The following SLC16A5 variants were observed in gnomAD, a reference collection of about 807,000 sequenced individuals.
The protein encoded by SLC16A5 is monocarboxylate transporter 6.
SLC16A5 carries 29 observed loss-of-function variants against 33.2 expected under a neutral mutation model. The observed-to-expected ratio is 0.87, with a 90% CI of 0.65 to 1.19. The LOEUF is 1.19. Among genes scored for constraint, SLC16A5 ranks in the 50% most tolerant of loss-of-function variants. The probability of loss-of-function intolerance (pLI) is 0.00; values close to 1 mark genes in which losing one functional copy is unlikely to be tolerated. For synonymous variants in SLC16A5, 248 were observed against 284.1 expected, an observed-to-expected ratio of 0.87 and a Z score of 1.28; for missense variants, 606 against 678.2, an observed-to-expected ratio of 0.89 and a Z score of 1.18.
At chr17:75,104,253 A>T in intron 6 of SLC16A5, 73 bp downstream of exon 6, 2 of 1,566,612 alleles carry the variant, frequency 1.3e-6, no homozygotes, top group Non-Finnish European at 1.7e-6. Flanking sequence ...CACTGAGTGA[A>T]CACTGTCTCA....
intron 6 of SLC16A5, 121 bp downstream of exon 6, chr17:75,104,301 G>C (rs2145079214): frequency 1.3e-6 from 2 of 1,495,888 alleles, no homozygotes; most frequent in East Asian, 4.9e-5. Context: ...TCCTTCACCA[G>C]GGGCTTGGGT....
At chr17:75,090,808 G>A (rs1027077130) in intron 2 of SLC16A5, among the ~76,000 whole-genome samples, 8 of 152,094 alleles carry the variant, frequency 5.3e-5, no homozygotes, top group Admixed American at 1.3e-4. Context: ...TCCTGGGCTC[G>A]GATTGGCCTG....
Position 75,093,844 on chromosome 17 carries a change from C to G in SLC16A5, c.199+9C>G. On this transcript the variant is annotated intron_variant, in intron 3 of 6. Transcript: ENST00000329783. ...TGTGCTCCACATGGCAGGTGAGCGGCCTAGGGAGGGGCCGATGAGAAAGTC... is the reference window on the plus strand; with the variant it reads ...TGTGCTCCACATGGCAGGTGAGCGGGCTAGGGAGGGGCCGATGAGAAAGTC... 6.2e-7 allele frequency: 1 copy of G among 1,611,606 alleles called. No individual in the cohort carries two copies. Among genetic ancestry groups the G allele is most frequent in the East Asian group, 2.2e-5 (1 of 44,858 alleles).
chr17:75,093,698 T>C lies in SLC16A5; in HGVS notation c.62T>C (p.Met21Thr). 2 of 1,613,958 alleles carry C rather than the reference T, an allele frequency of 1.2e-6. No individual in the cohort carries two copies. The highest frequency in any genetic ancestry group is 1.7e-6 in the Non-Finnish European group (2 of 1,179,942). ...GCCTGGGTGGTGCTGCTGGCCACCA[T>C]GGTGACCCAGGGCCTCACCCTGGGC... ...SWAWVVLLATMVTQGLTLGFP... is the reference protein window; with the variant it reads ...SWAWVVLLATTVTQGLTLGFP... The change falls in exon 3 of 7, where the codon ATG becomes ACG. Residue 21 changes from methionine (M) to threonine (T), a missense_variant. Met to Thr is a moderately conservative substitution (Grantham distance 81). Transcript: ENST00000329783.
chr17:75,103,900 G>C (rs945701757), intron 5 of SLC16A5, 70 bp from the exon 6 acceptor site: 2 of 1,387,182 alleles, frequency 1.4e-6, no homozygotes, highest in African/African-American at 2.9e-5. Flanking sequence ...AATACCTGCT[G>C]TCAGGGAACA....
intron 4 of SLC16A5, 21 bp downstream of exon 4, chr17:75,098,202 A>G (rs1354814003): frequency 6.2e-7 from 1 of 1,611,308 alleles, no homozygotes; most frequent in South Asian, 1.1e-5. Flanking sequence ...CTTCATCTCC[A>G]GAATTTATAG....
intron 2 of SLC16A5, among the ~76,000 whole-genome samples, 189 bp downstream of exon 2, chr17:75,089,493 A>G (rs2073609660): frequency 6.6e-6 from 1 of 152,008 alleles, no homozygotes; most frequent in Non-Finnish European, 1.5e-5. Flanking sequence ...GGTGTCTCAC[A>G]CCTGTAATCC....
chr17:75,093,919 C>T, intron 3 of SLC16A5, 84 bp downstream of exon 3: 1 of 1,524,770 alleles, frequency 6.6e-7, no homozygotes, highest in Non-Finnish European at 8.8e-7. Flanking sequence ...GATTCCCTCT[C>T]TCTGAGGCCA....
chr17:75,096,585 TAGTGGC>T (rs2073721426), intron 3 of SLC16A5, among the ~76,000 whole-genome samples: 1 of 149,484 alleles, frequency 6.7e-6, no homozygotes, highest in Non-Finnish European at 1.5e-5. Context: ...GGCTGGAGTG[TAGTGGC>T]ACAGTCTCGG....
chr17:75,097,524 AG>A (rs1435680774), intron 3 of SLC16A5, among the ~76,000 whole-genome samples: 5 of 53,416 alleles, frequency 9.4e-5, no homozygotes, highest in African/African-American at 3.0e-4. Flanking sequence ...CCTCAGCTGT[AG>A]GGCTGGGAAG....
chr17:75,100,808 C>T lies in SLC16A5; in HGVS notation c.1145C>T (p.Pro382Leu), dbSNP rs758274595. The T allele has an allele frequency of 1.2e-5, 19 of 1,591,538 alleles. No individual in the cohort carries two copies. Among genetic ancestry groups the T allele is most frequent in the Non-Finnish European group, 1.6e-5 (19 of 1,166,410 alleles). Reference sequence around the variant, plus strand: ...GGCCTTGCTTTCCTCATCTCCCCACCACTGGCCGGTGAGGAGCTGGGAGGG... The same window carrying T: ...GGCCTTGCTTTCCTCATCTCCCCACTACTGGCCGGTGAGGAGCTGGGAGGG... ...LDGLAFLISPPLAGLLLDATN... is the reference protein window; with the variant it reads ...LDGLAFLISPLLAGLLLDATN... The change falls in exon 5 of 7, where the codon CCA becomes CTA. Residue 382 changes from proline to leucine, a missense_variant. Transcript: ENST00000329783.
chr17:75,091,860 G>A (rs1334718461), intron 2 of SLC16A5, among the ~76,000 whole-genome samples: 5 of 152,186 alleles, frequency 3.3e-5, no homozygotes, highest in Non-Finnish European at 7.4e-5. Flanking sequence ...GGGCCAGGGC[G>A]CAGGAGGCAG....
intron 3 of SLC16A5, among the ~76,000 whole-genome samples, chr17:75,096,841 C>CTTTTT (rs71361652): frequency 7.7e-5 from 5 of 65,328 alleles, no homozygotes; most frequent in Non-Finnish European, 1.3e-4. Context: ...CACTCCATCA[C>CTTTTT]TTTTTTTTTT....
intron 5 of SLC16A5, 51 bp downstream of exon 5, chr17:75,100,867 G>A (rs776312153): frequency 6.8e-7 from 1 of 1,470,826 alleles, no homozygotes; most frequent in South Asian, 1.3e-5. Flanking sequence ...AAGGGGAACA[G>A]TTTAGACAGA....
Position 75,098,139 on chromosome 17 carries a change from C to T in SLC16A5, c.301C>T (p.His101Tyr), listed in dbSNP as rs184243012. 5.3e-5 allele frequency: 85 copies of T among 1,612,524 alleles called. 1 individual carries two copies. In the African/African-American group the frequency reaches 1.1e-3, roughly 20 times the overall value. Residue 101 changes from histidine to tyrosine, a missense_variant, in exon 4 of 7, where the codon CAC (histidine) becomes TAC (tyrosine). By Grantham distance (83) the His-to-Tyr change is moderately conservative. Transcript: ENST00000329783. ...GGGCATGGTGGCCAGCTCCTTCTCT[C>T]ACAACCTCAGCCAGCTCTACTTCAC... ...SLGMVASSFSHNLSQLYFTAG... is the reference protein window; with the variant it reads ...SLGMVASSFSYNLSQLYFTAG...
At position 75,106,008 on chromosome 17, in the gene SLC16A5, C is replaced by T. The variant is rs764681721; in HGVS notation, c.1493C>T (p.Ala498Val). The change falls in exon 7 of 7, where the codon GCT (alanine) becomes GTT (valine). Residue 498 changes from alanine to valine, a missense_variant. Transcript: ENST00000329783. The stretch of plus-strand genomic sequence containing the variant: ...GCGGTACTGCAGGCCAAGCAAACGG[C>T]TCTGGGCTGGAATAGCCCTACCTGA... ...PKAVLQAKQT[A>V]LGWNSPT 1 of 1,592,296 alleles carries T rather than the reference C, an allele frequency of 6.3e-7. No individual in the cohort carries two copies. The highest frequency in any genetic ancestry group is 8.6e-7 in the Non-Finnish European group (1 of 1,166,236).
chr17:75,088,659 G>A (rs1341114935), intron 1 of SLC16A5, among the ~76,000 whole-genome samples: 1 of 152,138 alleles, frequency 6.6e-6, no homozygotes, highest in Non-Finnish European at 1.5e-5. Flanking sequence ...GATATGGGAA[G>A]GAGGGAGGGG....
At chr17:75,093,911 T>C in intron 3 of SLC16A5, 76 bp downstream of exon 3, 2 of 1,540,964 alleles carry the variant, frequency 1.3e-6, no homozygotes, top group Middle Eastern at 1.8e-4. Flanking sequence ...GGCCTTCTGA[T>C]TCCCTCTCTC....
chr17:75,106,644 C>T (rs1011786823), downstream of SLC16A5, among the ~76,000 whole-genome samples: 2 of 150,486 alleles, frequency 1.3e-5, no homozygotes, highest in African/African-American at 4.9e-5. Context: ...CCTGTAATCC[C>T]AGCACTTTGA....
Sources: gnomAD v4.1 joint callset for allele counts (sites outside exome capture counted in the v4.1 genomes callset) on GRCh38, gnomAD v4.1.1 for gene constraint, MANE v1.5 for transcripts, NCBI Gene and HGNC (gene_info 2026-07-23, HGNC 2026-07-21) for gene names.